The following USP26 variants were observed in gnomAD, a reference collection of about 807,000 sequenced individuals.
USP26 encodes ubiquitin specific peptidase 26.
For missense variants in USP26, 649 were observed against 642.3 expected (o/e 1.01, Z -0.11); for synonymous variants, 236 against 240.6 (o/e 0.98, Z 0.18).
In USP26 at chrX:133,025,904, G is replaced by A; in HGVS notation, c.2317C>T (p.Leu773=). The A allele has an allele frequency of 8.3e-7, 1 of 1,211,293 alleles. No homozygotes were observed. The highest frequency in any genetic ancestry group is 1.1e-6 in the Non-Finnish European group (1 of 895,430). ...TGTAGATTTAATTTTGTAGGTCTTAGGAGGTTCTTTGTGTGCCCCTGGGTG... is the reference window on the plus strand; with the variant it reads ...TGTAGATTTAATTTTGTAGGTCTTAAGAGGTTCTTTGTGTGCCCCTGGGTG... The part of the protein sequence containing the change: ...PGTQGHTKNL[L]RPTKLNLQKS... The change falls in exon 6 of 6, where the codon CTA becomes TTA. Residue 773 remains leucine, a synonymous_variant. Coordinates refer to ENST00000511190, the MANE Select transcript of USP26 (RefSeq NM_031907.3).
intron 5 of USP26, among the ~76,000 whole-genome samples, chrX:133,053,988 T>A (rs1263743579): frequency 9.0e-6 from 1 of 111,711 alleles, no homozygotes; most frequent in Non-Finnish European, 1.9e-5. Context: ...AACAGAAAAG[T>A]CAGAAAGTAC....
At chrX:133,069,768 G>A (rs2067524804) in intron 5 of USP26, among the ~76,000 whole-genome samples, 2 of 111,454 alleles carry the variant, frequency 1.8e-5, no homozygotes, top group African/African-American at 3.3e-5. Flanking sequence ...TCACACACAC[G>A]TTTCCTAGGA....
chrX:133,027,313 G>A lies in USP26; in HGVS notation c.908C>T (p.Thr303Ile). 1 of 1,210,449 alleles carries A rather than the reference G, an allele frequency of 8.3e-7. No individual in the cohort carries two copies. The highest frequency in any genetic ancestry group is 1.8e-5 in the South Asian group (1 of 56,962). ...ICHGLPNLGN[T>I]CYMNAVLQSL... ...CTGTAACACTGCATTCATATAACAG[G>A]TGTTTCCCAAATTGGGGAGGCCGTG... Residue 303 changes from threonine to isoleucine, a missense_variant, in exon 6 of 6, where the codon ACC becomes ATC. Physicochemically the swap from Thr to Ile is moderately conservative, Grantham distance 89 (BLOSUM62 -1). Coordinates refer to ENST00000511190, the MANE Select transcript of USP26 (RefSeq NM_031907.3).
intron 5 of USP26, among the ~76,000 whole-genome samples, chrX:133,082,073 T>C (rs2067571831): frequency 9.0e-6 from 1 of 111,583 alleles, no homozygotes; most frequent in Non-Finnish European, 1.9e-5. Context: ...GCTTGTCCAG[T>C]TGGGGAGATG....
rs994237898 is a variant in USP26, at chrX:133,025,237, C to T, written c.*242G>A. 9.4e-6 allele frequency: 4 copies of T among 425,316 alleles called. No individual in the cohort carries two copies. Among genetic ancestry groups the T allele is most frequent in the Admixed American group, 4.3e-5 (1 of 23,489 alleles). 35.1% of individuals were successfully genotyped at this position (425,316 alleles called of 1,213,427 possible). On this transcript the variant is annotated 3_prime_UTR_variant, in exon 6 of 6. Transcript: ENST00000511190. ...CTGACTATATTAAAATGAAGAAGAA[C>T]ATGAAAAACACAATTTCAGTCTTGT...
At chrX:133,048,107 T>C (rs141219857) in intron 5 of USP26, among the ~76,000 whole-genome samples, 402 of 111,705 alleles carry the variant, frequency 3.6e-3, no homozygotes, top group African/African-American at 0.013. Context: ...AAAGTCTCAA[T>C]ATCCTGGCAT....
At chrX:133,038,626 C>A (rs2067405374) in intron 5 of USP26, among the ~76,000 whole-genome samples, 1 of 111,368 alleles carries the variant, frequency 9.0e-6, no homozygotes, top group Non-Finnish European at 1.9e-5. Context: ...CTGAAATTTT[C>A]TTTTTTGTTG....
chrX:133,087,127 T>C (rs760348016), intron 4 of USP26, among the ~76,000 whole-genome samples: 1 of 110,988 alleles, frequency 9.0e-6, no homozygotes, highest in African/African-American at 3.3e-5. Flanking sequence ...GATGTTTTCA[T>C]GACCAGAAAT....
At chrX:133,091,736 TTAA>T (rs1374078395) in intron 1 of USP26, among the ~76,000 whole-genome samples, 2 of 111,646 alleles carry the variant, frequency 1.8e-5, no homozygotes, top group Non-Finnish European at 3.8e-5. Flanking sequence ...AATGCCATCA[TTAA>T]TGATGCACAG....
chrX:133,083,490 G>T (rs1480265429), intron 5 of USP26, among the ~76,000 whole-genome samples: 1 of 111,083 alleles, frequency 9.0e-6, no homozygotes, highest in African/African-American at 3.3e-5. Flanking sequence ...GTTTCCTGAT[G>T]GCTTGGTGCC....
At chrX:133,063,552 A>C (rs2067500779) in intron 5 of USP26, among the ~76,000 whole-genome samples, 1 of 111,885 alleles carries the variant, frequency 8.9e-6, no homozygotes, top group Admixed American at 9.5e-5. Context: ...CCTACAACCC[A>C]GAAGAGAGTG....
chrX:133,092,886 C>A (rs2067612596), intron 1 of USP26, among the ~76,000 whole-genome samples: 1 of 111,342 alleles, frequency 9.0e-6, no homozygotes, highest in Non-Finnish European at 1.9e-5. Context: ...TTGGAAAACA[C>A]CAACTTTCTA....
intron 5 of USP26, among the ~76,000 whole-genome samples, chrX:133,044,562 C>T (rs1049172161): frequency 4.4e-5 from 5 of 113,334 alleles, no homozygotes; most frequent in Admixed American, 9.2e-5. Context: ...CCAGCAGTGC[C>T]GGCCCACTGG....
chrX:133,051,899 T>C (rs1215361446), intron 5 of USP26, among the ~76,000 whole-genome samples: 1 of 112,321 alleles, frequency 8.9e-6, no homozygotes, highest in African/African-American at 3.2e-5. Context: ...GATACAGTTG[T>C]TATGTGAAAC....
chrX:133,090,757 C>G lies in USP26; in HGVS notation c.-295G>C, dbSNP rs1023824021. The G allele has an allele frequency of 2.1e-4, 24 of 112,243 alleles. No homozygotes were observed. Among genetic ancestry groups the G allele is most frequent in the African/African-American group, 7.1e-4 (22 of 30,953 alleles). 9.3% of individuals were successfully genotyped at this position (112,243 alleles called of 1,213,427 possible). ...GGTTGGCTGCTATATAGAACAGAGA[C>G]TATGACCTGGACAGGCACAAGAGAG... is the stretch of plus-strand genomic sequence containing the variant. On this transcript the variant is annotated 5_prime_UTR_variant, in exon 3 of 6. Coordinates refer to ENST00000511190, the MANE Select transcript of USP26 (RefSeq NM_031907.3).
intron 5 of USP26, among the ~76,000 whole-genome samples, chrX:133,074,551 G>A (rs2067541403): frequency 8.9e-6 from 1 of 112,155 alleles, no homozygotes; most frequent in Admixed American, 9.5e-5. Context: ...AATTGTATGT[G>A]GCACAACAAA....
At chrX:133,042,271 T>C (rs2067422675) in intron 5 of USP26, among the ~76,000 whole-genome samples, 2 of 111,239 alleles carry the variant, frequency 1.8e-5, no homozygotes, top group Non-Finnish European at 3.8e-5. Flanking sequence ...TAAAAACTCC[T>C]GCAGCTAGCT....
chrX:133,026,647 C>G lies in USP26; in HGVS notation c.1574G>C (p.Ser525Thr), dbSNP rs1252371811. 5 of 1,206,078 alleles carry G rather than the reference C, an allele frequency of 4.1e-6. No individual in the cohort carries two copies. Among genetic ancestry groups the G allele is most frequent in the Admixed American group, 2.2e-5 (1 of 45,221 alleles). Residue 525 changes from serine to threonine, a missense_variant, in exon 6 of 6, where the codon AGC (serine) becomes ACC (threonine). Ser to Thr is a moderately conservative substitution (Grantham distance 58). Coordinates refer to ENST00000511190, the MANE Select transcript of USP26 (RefSeq NM_031907.3). ...CTTTAATGCACAAAACTCATTCAAG[C>G]TATAGCGTTTGAGGTGAACAATAAG... is the stretch of plus-strand genomic sequence containing the variant. ...RILIVHLKRYSLNEFCALKKN... is the reference protein window; with the variant it reads ...RILIVHLKRYTLNEFCALKKN...
chrX:133,034,148 CT>C (rs2067388146), intron 5 of USP26, among the ~76,000 whole-genome samples: 1 of 111,747 alleles, frequency 8.9e-6, no homozygotes, highest in Non-Finnish European at 1.9e-5. Flanking sequence ...CTGTGATACC[CT>C]GCAATGCTGC....
Sources: gnomAD v4.1 joint callset for allele counts (sites outside exome capture counted in the v4.1 genomes callset) on GRCh38, gnomAD v4.1.1 for gene constraint, MANE v1.5 for transcripts, NCBI Gene and HGNC (gene_info 2026-07-23, HGNC 2026-07-21) for gene names.